Variants in ABCB5 observed in about 807,000 individuals in gnomAD.
ABCB5 encodes the protein ATP binding cassette subfamily B member 5, also known as ATP-binding cassette sub-family B member 5.
In ABCB5, 155 loss-of-function variants were observed where a neutral mutation model predicts 144.2. The ratio of observed to expected loss-of-function variants is 1.08; its 90% CI spans 0.94 to 1.23. The LOEUF (loss-of-function observed/expected upper bound fraction) is 1.23, where lower values mean the gene tolerates loss of function less well. Ranked by LOEUF, ABCB5 falls within the 50% of genes most tolerant of loss-of-function variation. The pLI, the probability that ABCB5 is intolerant of heterozygous loss-of-function variation, is 0.00. For synonymous variants in ABCB5, 610 were observed against 528.6 expected, an observed-to-expected ratio of 1.15 and a Z score of -2.11; for missense variants, 1,830 against 1,520.8, an observed-to-expected ratio of 1.20 and a Z score of -3.38.
At chr7:20,637,358 T>C (rs2128021095) in intron 5 of ABCB5, among the ~76,000 whole-genome samples, 1 of 152,238 alleles carries the variant, frequency 6.6e-6, no homozygotes, top group East Asian at 1.9e-4. Context: ...GACTAAATAG[T>C]GCCAGGACTA....
At chr7:20,628,600 A>T (rs1022301231) in intron 3 of ABCB5, 88 bp from the exon 4 acceptor site, 69 of 1,381,794 alleles carry the variant, frequency 5.0e-5, no homozygotes, top group Non-Finnish European at 6.4e-5. Context: ...TAGGTGGCAA[A>T]GGCTGTAGGC....
intron 14 of ABCB5, among the ~76,000 whole-genome samples, chr7:20,679,372 G>A (rs981566800): frequency 6.7e-6 from 1 of 150,120 alleles, no homozygotes; most frequent in African/African-American, 2.5e-5. Context: ...TGGAGGCTGA[G>A]GCAGGAGAGA....
intron 23 of ABCB5, among the ~76,000 whole-genome samples, chr7:20,735,352 G>T (rs1041688496): frequency 6.6e-6 from 1 of 152,150 alleles, no homozygotes; most frequent in Non-Finnish European, 1.5e-5. Context: ...TATTAACAGT[G>T]GGTCGATACC....
intron 1 of ABCB5, among the ~76,000 whole-genome samples, chr7:20,620,719 A>G (rs924869478): frequency 6.6e-6 from 1 of 152,140 alleles, no homozygotes; most frequent in South Asian, 2.1e-4. Context: ...TAGGATTTCT[A>G]TTGTCCATTA....
chr7:20,689,108 A>T (rs984817385), intron 16 of ABCB5, among the ~76,000 whole-genome samples: 1 of 152,130 alleles, frequency 6.6e-6, no homozygotes, highest in Non-Finnish European at 1.5e-5. Context: ...CTAGAACTTA[A>T]AGTATAATAA....
At position 20,685,874 on chromosome 7, in the gene ABCB5, T is replaced by C. The variant is rs749029784; in HGVS notation, c.2010+38T>C. The C allele has an allele frequency of 5.8e-6, 9 of 1,552,072 alleles. No individual in the cohort carries two copies. The Middle Eastern group carries it at 5.2e-4, about 89-fold the overall frequency. ...CGATCAACCAGTTTTTCCTGCATGT[T>C]TTCTAATTTTGATTTAATCCTTACA... On this transcript the variant is annotated intron_variant, in intron 16 of 27. Coordinates refer to ENST00000404938, the MANE Select transcript of ABCB5 (RefSeq NM_001163941.2).
At chr7:20,680,213 G>T (rs1230631401) in intron 14 of ABCB5, among the ~76,000 whole-genome samples, 1 of 152,044 alleles carries the variant, frequency 6.6e-6, no homozygotes, top group Non-Finnish European at 1.5e-5. Flanking sequence ...ATCAAAACAA[G>T]TTATGCTGTT....
intron 20 of ABCB5, among the ~76,000 whole-genome samples, chr7:20,714,272 G>A (rs1041975330): frequency 4.6e-5 from 7 of 151,844 alleles, no homozygotes; most frequent in Admixed American, 6.6e-5. Flanking sequence ...CACATCTAGC[G>A]TAGTACCTAA....
chr7:20,665,805 A>ATACG (rs1785171230), intron 14 of ABCB5, among the ~76,000 whole-genome samples: 1 of 151,652 alleles, frequency 6.6e-6, no homozygotes, highest in Non-Finnish European at 1.5e-5. Context: ...ACATACATAC[A>ATACG]TACAGATATA....
At chr7:20,738,129 G>A (rs1782448152) in intron 23 of ABCB5, among the ~76,000 whole-genome samples, 1 of 152,200 alleles carries the variant, frequency 6.6e-6, no homozygotes, top group African/African-American at 2.4e-5. Flanking sequence ...GTTCTGTGAT[G>A]ACCCTTTACT....
intron 14 of ABCB5, chr7:20,666,939 C>G (rs1359014231): frequency 8.4e-7 from 1 of 1,184,720 alleles, no homozygotes. Flanking sequence ...GCCAAAATCT[C>G]TTCTGTGTTT....
chr7:20,678,540 T>C (rs7805940), intron 14 of ABCB5, among the ~76,000 whole-genome samples: 5,004 of 152,218 alleles, frequency 0.033, 225 homozygotes, highest in African/African-American at 0.095. Flanking sequence ...GTAACAATAC[T>C]AGCTGTCGAT....
In ABCB5 at chr7:20,704,791, T is replaced by C; in HGVS notation, c.2405T>C (p.Ile802Thr). 2 of 1,613,088 alleles carry C rather than the reference T, an allele frequency of 1.2e-6. No homozygotes were observed. The highest frequency in any genetic ancestry group is 1.7e-6 in the Non-Finnish European group (2 of 1,179,258). ...GGLTTILAID[I>T]AQIQGATGSR... ...TTGACAACAATATTAGCCATAGATA[T>C]AGCACAAATTCAAGGAGTATGTATA... Residue 802 changes from isoleucine to threonine, a missense_variant, in exon 20 of 28, where the codon ATA becomes ACA. Coordinates refer to ENST00000404938, the MANE Select transcript of ABCB5 (RefSeq NM_001163941.2).
At chr7:20,742,728 T>A in intron 24 of ABCB5, 149 bp from the exon 25 acceptor site, 1 of 697,062 alleles carries the variant, frequency 1.4e-6, no homozygotes, top group Non-Finnish European at 2.4e-6. Flanking sequence ...CCACTTGCAG[T>A]CAACAGCTCT....
intron 14 of ABCB5, among the ~76,000 whole-genome samples, chr7:20,662,020 G>A (rs1785019921): frequency 6.6e-6 from 1 of 152,176 alleles, no homozygotes; most frequent in African/African-American, 2.4e-5. Flanking sequence ...TGCCCCACTA[G>A]TAGGAGACAT....
intron 16 of ABCB5, among the ~76,000 whole-genome samples, chr7:20,697,898 T>C (rs1210239575): frequency 1.3e-5 from 2 of 152,230 alleles, no homozygotes; most frequent in African/African-American, 2.4e-5. Context: ...ATTTTGCTTG[T>C]AAATAAGAAC....
At chr7:20,658,790 T>A in intron 14 of ABCB5, 114 bp downstream of exon 14, 2 of 1,275,100 alleles carry the variant, frequency 1.6e-6, no homozygotes, top group Non-Finnish European at 2.1e-6. Context: ...TCTTAAGGTA[T>A]AAAGGCAGGA....
intron 11 of ABCB5, 118 bp from the exon 12 acceptor site, chr7:20,649,904 T>C (rs575699367): frequency 9.0e-7 from 1 of 1,110,404 alleles, no homozygotes; most frequent in African/African-American, 1.6e-5. Context: ...CATAACAAGA[T>C]CTAAATTTGT....
At chr7:20,754,975 G>A (rs778820937) in intron 27 of ABCB5, among the ~76,000 whole-genome samples, 1 of 150,810 alleles carries the variant, frequency 6.6e-6, no homozygotes, top group Non-Finnish European at 1.5e-5. Flanking sequence ...TTGAGACGGA[G>A]TTTCACTCTT....
Sources: allele counts gnomAD v4.1 joint callset (sites outside exome capture counted in the v4.1 genomes callset), GRCh38; gene constraint gnomAD v4.1.1; transcripts MANE v1.5; gene names NCBI Gene and HGNC (gene_info 2026-07-23, HGNC 2026-07-21).